ARHGAP21: variants seen among roughly 807,000 people sequenced by gnomAD.
ARHGAP21 encodes the protein Rho GTPase activating protein 21, also known as rho GTPase-activating protein 21.
In ARHGAP21, 38 loss-of-function variants were observed where a neutral mutation model predicts 164.6. The observed-to-expected ratio is 0.23, with a 90% CI of 0.18 to 0.30. ARHGAP21 has a LOEUF of 0.30. ARHGAP21 is among the 10% of genes least tolerant of loss of function. ARHGAP21 has a pLI of 1.00. For synonymous variants in ARHGAP21, 766 were observed against 857.9 expected, an observed-to-expected ratio of 0.89 and a Z score of 1.87; for missense variants, 1,822 against 2,370.7, an observed-to-expected ratio of 0.77 and a Z score of 4.81.
chr10:24,719,506 T>C (rs1845718954), intron 2 of ARHGAP21, among the ~76,000 whole-genome samples: 2 of 152,230 alleles, frequency 1.3e-5, no homozygotes, highest in African/African-American at 4.8e-5. Context: ...TTCATTACAT[T>C]GATTTCTTCT....
intron 21 of ARHGAP21, among the ~76,000 whole-genome samples, 168 bp from the exon 22 acceptor site, chr10:24,592,180 T>G (rs1468782153): frequency 7.7e-6 from 1 of 130,644 alleles, no homozygotes; most frequent in Non-Finnish European, 1.7e-5. Flanking sequence ...TTTTTTTTTT[T>G]TCTGAGACAG....
intron 2 of ARHGAP21, among the ~76,000 whole-genome samples, chr10:24,689,826 ATATGTATG>A (rs937903161): frequency 6.7e-6 from 1 of 149,074 alleles, no homozygotes; most frequent in Non-Finnish European, 1.5e-5. Flanking sequence ...ATATATGTAT[ATATGTATG>A]TGTATATATA....
At chr10:24,627,805 C>T (rs73606525) in intron 7 of ARHGAP21, among the ~76,000 whole-genome samples, 4,640 of 152,268 alleles carry the variant, frequency 0.03, 218 homozygotes, top group African/African-American at 0.099. Context: ...ATTACTCCTT[C>T]CATTACATGA....
chr10:24,619,713 T>C lies in ARHGAP21; in HGVS notation c.2182A>G (p.Thr728Ala). The stretch of plus-strand genomic sequence containing the variant: ...ATGACAGCTTCTTTATTATCTAAAG[T>C]ATCTGATTGCTCAGTTTCAGCCTCT... ...LQEAETEQSD[T>A]LDNKEAVILR... Residue 728 changes from threonine to alanine, a missense_variant, in exon 9 of 26, where the codon ACT becomes GCT. Physicochemically the swap from Thr to Ala is moderately conservative, Grantham distance 58 (BLOSUM62 0). Transcript: ENST00000396432. 1.2e-6 allele frequency: 2 copies of C among 1,614,202 alleles called. No individual in the cohort carries two copies. Among genetic ancestry groups the C allele is most frequent in the Non-Finnish European group, 1.7e-6 (2 of 1,180,036 alleles).
At chr10:24,695,706 CTAT>C (rs1271454109) in intron 2 of ARHGAP21, among the ~76,000 whole-genome samples, 3 of 152,192 alleles carry the variant, frequency 2.0e-5, no homozygotes, top group African/African-American at 7.2e-5. Flanking sequence ...GCCAGCTGCC[CTAT>C]TGTTAGCTGC....
At chr10:24,601,854 T>C (rs553631755) in intron 13 of ARHGAP21, 124 bp downstream of exon 13, 353 of 1,190,148 alleles carry the variant, frequency 3.0e-4, no homozygotes, top group Non-Finnish European at 3.7e-4. Context: ...AAAATCTATT[T>C]ATAAATGGTT....
At chr10:24,591,114 G>A (rs1592929184) in intron 24 of ARHGAP21, 111 bp downstream of exon 24, 4 of 1,076,364 alleles carry the variant, frequency 3.7e-6, no homozygotes, top group East Asian at 2.5e-5. Context: ...TAGAAAGGAA[G>A]AGAAAAAGAA....
At chr10:24,617,210 T>C (rs1268845491) in intron 9 of ARHGAP21, among the ~76,000 whole-genome samples, 1 of 152,196 alleles carries the variant, frequency 6.6e-6, no homozygotes, top group African/African-American at 2.4e-5. Context: ...TTAGCCAAAA[T>C]CTTCTCTTTA....
At chr10:24,665,279 TTACACCTTCAGATTACTTTTGATAG>T (rs1161215423) in intron 4 of ARHGAP21, among the ~76,000 whole-genome samples, 2 of 152,026 alleles carry the variant, frequency 1.3e-5, no homozygotes, top group African/African-American at 4.8e-5. Context: ...CTGCCTGGCC[TTACACCTTCAGATTACTTTTGATAG>T]TGCAAAAAAA....
At chr10:24,702,111 GA>G (rs1366969852) in intron 2 of ARHGAP21, among the ~76,000 whole-genome samples, 1 of 142,620 alleles carries the variant, frequency 7.0e-6, no homozygotes, top group Non-Finnish European at 1.5e-5. Flanking sequence ...GTGAGGGGGA[GA>G]AAATACTTCC....
At chr10:24,650,472 G>A (rs1019170624) in intron 4 of ARHGAP21, among the ~76,000 whole-genome samples, 4 of 152,134 alleles carry the variant, frequency 2.6e-5, no homozygotes, top group Non-Finnish European at 5.9e-5. Context: ...ATCAGACTTC[G>A]ATGTGCTTGC....
intron 4 of ARHGAP21, among the ~76,000 whole-genome samples, chr10:24,655,321 G>A (rs948474369): frequency 2.0e-4 from 30 of 152,180 alleles, no homozygotes; most frequent in Non-Finnish European, 2.9e-5. Flanking sequence ...ACTACCATCA[G>A]AGTGAACAGA....
In ARHGAP21 at chr10:24,620,569, G is replaced by A; in HGVS notation, c.1326C>T (p.Thr442=). Residue 442 remains threonine (T), a synonymous_variant, in exon 9 of 26, where the codon ACC becomes ACT. Transcript: ENST00000396432. The part of the protein sequence containing the change: ...RTTLQGRRRS[T]SHDRVPQSVQ... ...CAGACTGGGGCACTCGATCATGAGA[G>A]GTGCTTCGACGTCGTCCCTGCAAAG... 6.2e-7 allele frequency: 1 copy of A among 1,614,180 alleles called. No homozygotes were observed. The highest frequency in any genetic ancestry group is 8.5e-7 in the Non-Finnish European group (1 of 1,180,036).
intron 2 of ARHGAP21, among the ~76,000 whole-genome samples, chr10:24,718,821 A>G (rs570039202): frequency 6.6e-6 from 1 of 152,348 alleles, no homozygotes; most frequent in Non-Finnish European, 1.5e-5. Flanking sequence ...AAAAAGTTTA[A>G]TAATAAAGTG....
chr10:24,707,080 T>C (rs1844311604), intron 2 of ARHGAP21, among the ~76,000 whole-genome samples: 1 of 152,196 alleles, frequency 6.6e-6, no homozygotes, highest in African/African-American at 2.4e-5. Context: ...CACACAGAGC[T>C]AACAACTCCT....
chr10:24,670,454 A>T (rs1431830125), intron 2 of ARHGAP21, 57 bp from the exon 3 acceptor site: 1 of 1,211,542 alleles, frequency 8.3e-7, no homozygotes, highest in African/African-American at 1.5e-5. Context: ...TTCCTCATCT[A>T]AAAAAATTCT....
intron 4 of ARHGAP21, among the ~76,000 whole-genome samples, chr10:24,655,988 G>A (rs1258998016): frequency 7.5e-5 from 10 of 133,482 alleles, no homozygotes; most frequent in African/African-American, 2.1e-4. Flanking sequence ...CAACCACCCC[G>A]TCTGAGAAGT....
At chr10:24,672,557 T>A (rs1277885518) in intron 2 of ARHGAP21, among the ~76,000 whole-genome samples, 1 of 152,252 alleles carries the variant, frequency 6.6e-6, no homozygotes, top group African/African-American at 2.4e-5. Context: ...TCCAACCTGA[T>A]ATGTATCTTA....
chr10:24,722,175 G>A lies in ARHGAP21; in HGVS notation c.-276C>T. 2 of 480,518 alleles carry A rather than the reference G, an allele frequency of 4.2e-6. No individual in the cohort carries two copies. The highest frequency in any genetic ancestry group is 7.6e-6 in the Non-Finnish European group (2 of 262,336). 29.8% of individuals were successfully genotyped at this position (480,518 alleles called of 1,614,324 possible). A position where few individuals can be genotyped will look rare whatever the true frequency, so the allele number is the denominator to read the frequency against. The stretch of plus-strand genomic sequence containing the variant: ...ACAGGTCTTCTTGGCAGCCAGTGTC[G>A]AGGCCAATTGCAGAAAGCGGTCCCC... On this transcript the variant is annotated 5_prime_UTR_variant, in exon 2 of 26. Transcript: ENST00000396432.
Sources: gnomAD v4.1 joint callset for allele counts (sites outside exome capture counted in the v4.1 genomes callset) on GRCh38, gnomAD v4.1.1 for gene constraint, MANE v1.5 for transcripts, NCBI Gene and HGNC (gene_info 2026-07-23, HGNC 2026-07-21) for gene names.